Variants in NEDD4L observed in about 807,000 individuals in gnomAD.
NEDD4L encodes E3 ubiquitin-protein ligase NEDD4-like.
In NEDD4L, 54 loss-of-function variants were observed where a neutral mutation model predicts 148.9. The observed-to-expected ratio is 0.36, with a 90% CI of 0.29 to 0.45. NEDD4L has a LOEUF of 0.45. NEDD4L is among the 20% of genes least tolerant of loss of function. The pLI is 1.00. For synonymous variants in NEDD4L, 433 were observed against 440.7 expected (o/e 0.98, Z 0.22); for missense variants, 856 against 1,233.8 (o/e 0.69, Z 4.59).
intron 1 of NEDD4L, among the ~76,000 whole-genome samples, chr18:58,143,345 A>G (rs1486456807): frequency 6.6e-6 from 1 of 152,230 alleles, no homozygotes; most frequent in African/African-American, 2.4e-5. Flanking sequence ...TCAGCTGCCT[A>G]TTCTGTCAAA....
At position 58,383,235 on chromosome 18, in the gene NEDD4L, T is replaced by G. The variant is rs907100588; in HGVS notation, c.2353-11T>G. On this transcript the variant is annotated splice_polypyrimidine_tract_variant and intron_variant, in intron 24 of 30. Coordinates refer to ENST00000400345, the MANE Select transcript of NEDD4L (RefSeq NM_001144967.3). The stretch of plus-strand genomic sequence containing the variant: ...GTGATAGTAATTGTTGTTTTGTCTT[T>G]GTAATTACAGACATATCAAGTGGAT... The G allele has an allele frequency of 7.0e-6, 10 of 1,435,592 alleles. No homozygotes were observed. In the African/African-American group the frequency reaches 1.3e-4, roughly 18 times the overall value. The allele number at this position is 1,435,592 out of a possible 1,614,324, so 88.9% of individuals were successfully genotyped here.
chr18:58,247,048 C>T (rs1600198048), intron 3 of NEDD4L, among the ~76,000 whole-genome samples: 1 of 151,936 alleles, frequency 6.6e-6, no homozygotes, highest in East Asian at 1.9e-4. Flanking sequence ...CAAAAAAAAC[C>T]CAAAAAACAA....
chr18:58,356,578 C>A (rs977817150), intron 18 of NEDD4L, among the ~76,000 whole-genome samples: 1 of 152,164 alleles, frequency 6.6e-6, no homozygotes, highest in Admixed American at 6.5e-5. Context: ...GAAAGCAAAC[C>A]ACCTTTTGCC....
intron 1 of NEDD4L, among the ~76,000 whole-genome samples, chr18:58,142,032 A>AT (rs1568275559): frequency 1.0e-5 from 1 of 95,334 alleles, no homozygotes; most frequent in Non-Finnish European, 2.2e-5. Flanking sequence ...GCCTTCCAAA[A>AT]TTTCTTTCTT....
In NEDD4L at chr18:58,171,318, CG is replaced by C. The variant is rs1330814102; in HGVS notation, c.122+5458del. On this transcript the variant is annotated intron_variant, in intron 2 of 30. Transcript: ENST00000400345. ...CCCAAGAGGACAGAACACTGCTGCC[CG>C]CCTCATCACCCCAGCCCAAGAGGAC... Among the ~76,000 whole-genome samples, 143 of 17,018 alleles carry C rather than the reference CG, an allele frequency of 8.4e-3. 25 individuals are homozygous for C. The highest frequency in any genetic ancestry group is 0.042 in the East Asian group (16 of 378). The allele number at this position is 17,018 out of a possible 152,430, so 11.2% of individuals were successfully genotyped here.
chr18:58,383,698 C>T (rs2048642631), intron 25 of NEDD4L, among the ~76,000 whole-genome samples: 1 of 152,216 alleles, frequency 6.6e-6, no homozygotes, highest in Admixed American at 6.5e-5. Flanking sequence ...TATTTTGTCT[C>T]TCTCCCAACT....
chr18:58,102,181 C>T (rs1334966728), intron 1 of NEDD4L, among the ~76,000 whole-genome samples: 2 of 152,074 alleles, frequency 1.3e-5, no homozygotes, highest in African/African-American at 4.8e-5. Flanking sequence ...CCCTCCATGA[C>T]TGCCTGCATT....
At chr18:58,371,116 C>CCCTGCA (rs2046807487) in intron 23 of NEDD4L, among the ~76,000 whole-genome samples, 1 of 100,652 alleles carries the variant, frequency 9.9e-6, no homozygotes, top group African/African-American at 6.3e-5. Flanking sequence ...GATCTTGGCT[C>CCCTGCA]ACTTCCGCCT....
intron 4 of NEDD4L, among the ~76,000 whole-genome samples, chr18:58,251,240 C>A (rs2047889814): frequency 6.6e-6 from 1 of 152,128 alleles, no homozygotes; most frequent in Non-Finnish European, 1.5e-5. Context: ...AAAGTAAGTG[C>A]ACAGGCTGGG....
intron 24 of NEDD4L, 76 bp downstream of exon 24, chr18:58,373,345 CTT>C (rs2047141864): frequency 1.2e-6 from 1 of 803,532 alleles, no homozygotes; most frequent in Admixed American, 2.1e-5. Flanking sequence ...TGTAACACAA[CTT>C]TGCTGGACCA....
At chr18:58,184,075 A>G (rs1215730946) in intron 2 of NEDD4L, among the ~76,000 whole-genome samples, 2 of 152,162 alleles carry the variant, frequency 1.3e-5, no homozygotes, top group African/African-American at 2.4e-5. Context: ...AGGCTGAGGC[A>G]GGAGAATGGC....
At chr18:58,340,634 A>G (rs1434119101) in intron 13 of NEDD4L, among the ~76,000 whole-genome samples, 4 of 152,194 alleles carry the variant, frequency 2.6e-5, no homozygotes, top group African/African-American at 9.7e-5. Context: ...ATCGAGGAGA[A>G]ACTCAGAGCA....
chr18:58,231,167 T>A (rs962949931), intron 2 of NEDD4L, among the ~76,000 whole-genome samples: 1 of 149,982 alleles, frequency 6.7e-6, no homozygotes, highest in Non-Finnish European at 1.5e-5. Flanking sequence ...GGAGAATTGC[T>A]TGAGCCCAGG....
At chr18:58,364,162 A>C in intron 19 of NEDD4L, 106 bp from the exon 20 acceptor site, 1 of 714,046 alleles carries the variant, frequency 1.4e-6, no homozygotes, top group Non-Finnish European at 2.4e-6. Flanking sequence ...GAGAAGTGAG[A>C]ATTTACGGTT....
chr18:58,083,232 CATGATAATA>C, intron 1 of NEDD4L, among the ~76,000 whole-genome samples: 1 of 152,110 alleles, frequency 6.6e-6, no homozygotes, highest in Admixed American at 6.5e-5. Context: ...TTCACAGTAA[CATGATAATA>C]ACTAATTGTG....
chr18:58,070,527 A>G (rs2082812639), intron 1 of NEDD4L, among the ~76,000 whole-genome samples: 1 of 152,058 alleles, frequency 6.6e-6, no homozygotes, highest in Admixed American at 6.6e-5. Flanking sequence ...TTCCTTGACG[A>G]CTTCAAAAAG....
At chr18:58,105,675 T>A (rs1388690826) in intron 1 of NEDD4L, among the ~76,000 whole-genome samples, 2 of 152,220 alleles carry the variant, frequency 1.3e-5, no homozygotes, top group Non-Finnish European at 2.9e-5. Context: ...ATAGGTGGTA[T>A]GGCTCATGGT....
intron 2 of NEDD4L, among the ~76,000 whole-genome samples, chr18:58,169,357 A>G (rs2037276077): frequency 6.6e-6 from 1 of 152,206 alleles, no homozygotes; most frequent in Non-Finnish European, 1.5e-5. Flanking sequence ...TTGAGGACAA[A>G]AAAGGGCAGT....
intron 1 of NEDD4L, among the ~76,000 whole-genome samples, chr18:58,091,841 T>C (rs1048917803): frequency 2.0e-5 from 3 of 152,232 alleles, no homozygotes; most frequent in African/African-American, 7.2e-5. Flanking sequence ...TTATTCACAT[T>C]GCCTGAGACT....
Sources: allele counts gnomAD v4.1 joint callset (sites outside exome capture counted in the v4.1 genomes callset), GRCh38; gene constraint gnomAD v4.1.1; transcripts MANE v1.5; gene names NCBI Gene and HGNC (gene_info 2026-07-23, HGNC 2026-07-21).